Variants in CCDC60 observed in about 807,000 individuals in gnomAD.
CCDC60 encodes coiled-coil domain-containing protein 60.
A neutral mutation model predicts 63.5 loss-of-function variants in CCDC60; 54 were observed. The ratio of observed to expected loss-of-function variants is 0.85; its 90% CI spans 0.68 to 1.07. The LOEUF (loss-of-function observed/expected upper bound fraction) is 1.07. Ranked by LOEUF, CCDC60 falls within the 50% of genes least tolerant of loss-of-function variation. The probability of loss-of-function intolerance (pLI) is 0.00; values close to 1 mark genes in which losing one functional copy is unlikely to be tolerated. For synonymous variants in CCDC60, 206 were observed against 238.8 expected (o/e 0.86, Z 1.27); for missense variants, 651 against 684.3 (o/e 0.95, Z 0.54).
Position 119,500,280 on chromosome 12 carries a change from C to A in CCDC60, c.648+112C>A, listed in dbSNP as rs144893545. The A allele has an allele frequency of 9.7e-6, 7 of 723,058 alleles. No homozygotes were observed. In the African/African-American group the frequency reaches 1.3e-4, roughly 13 times the overall value. The allele number at this position is 723,058 out of a possible 1,614,324, so 44.8% of individuals were successfully genotyped here. A position where few individuals can be genotyped will look rare whatever the true frequency, so the allele number is the denominator to read the frequency against. On this transcript the variant is annotated intron_variant, in intron 6 of 13. Transcript: ENST00000327554. ...GAATTTTTTTTTCCTAGTTGGTTCT[C>A]GGAGTGAAGGGAAGTCAGAGCCACA...
intron 1 of CCDC60, among the ~76,000 whole-genome samples, chr12:119,362,598 G>A (rs1244840692): frequency 2.0e-5 from 3 of 152,054 alleles, no homozygotes; most frequent in Admixed American, 6.6e-5. Flanking sequence ...CGTATCAGTA[G>A]TTTATTATTT....
chr12:119,474,366 A>G (rs1217027846), intron 3 of CCDC60, among the ~76,000 whole-genome samples: 2 of 152,216 alleles, frequency 1.3e-5, no homozygotes, highest in African/African-American at 4.8e-5. Context: ...CCATTTCCCA[A>G]ATTCTGTTCT....
Position 119,523,793 on chromosome 12 carries a change from C to T in CCDC60, c.1204C>T (p.Gln402Ter). The T allele has an allele frequency of 6.2e-7, 1 of 1,614,138 alleles. No individual in the cohort carries two copies. The highest frequency in any genetic ancestry group is 8.5e-7 in the Non-Finnish European group (1 of 1,179,988). ...SVAQEAGFCLQDKMEILMKRQ... is the reference protein window; with the variant it reads ...SVAQEAGFCL ...AGCCCAGGAGGCTGGCTTCTGCCTG[C>T]AGGACAAGATGGAAATCCTCATGAA... The change falls in exon 11 of 14, where the codon CAG (glutamine) becomes TAG (stop). Residue 402 changes from glutamine to a stop codon, truncating the protein, a stop_gained. Transcript: ENST00000327554. LOFTEE classifies it high-confidence loss of function.
chr12:119,399,484 C>A (rs966151765), intron 1 of CCDC60, among the ~76,000 whole-genome samples: 1 of 152,202 alleles, frequency 6.6e-6, no homozygotes, highest in African/African-American at 2.4e-5. Context: ...TTGAGCCTGA[C>A]ATGCGGAGCC....
Position 119,500,177 on chromosome 12 carries a change from C to G in CCDC60, c.648+9C>G, listed in dbSNP as rs767780495. ...TCATCACAGCGCCAAAGGTAACCAACAACACGCGACTCAACCCTTTGGCTC... is the reference window on the plus strand; with the variant it reads ...TCATCACAGCGCCAAAGGTAACCAAGAACACGCGACTCAACCCTTTGGCTC... On this transcript the variant is annotated intron_variant, in intron 6 of 13. Coordinates refer to ENST00000327554, the MANE Select transcript of CCDC60 (RefSeq NM_178499.5). 1.3e-6 allele frequency: 2 copies of G among 1,581,000 alleles called. No individual in the cohort carries two copies. Among genetic ancestry groups the G allele is most frequent in the Non-Finnish European group, 1.7e-6 (2 of 1,152,378 alleles).
chr12:119,426,773 C>T (rs1014243604), intron 1 of CCDC60, among the ~76,000 whole-genome samples: 1 of 152,158 alleles, frequency 6.6e-6, no homozygotes, highest in Non-Finnish European at 1.5e-5. Flanking sequence ...TTGGCCAACC[C>T]AGGAGAAAAA....
chr12:119,513,714 G>A (rs1290888489), intron 7 of CCDC60, among the ~76,000 whole-genome samples: 1 of 152,102 alleles, frequency 6.6e-6, no homozygotes, highest in African/African-American at 2.4e-5. Context: ...AATTCCTATT[G>A]CCTAATATAT....
At chr12:119,528,451 T>A (rs552792369) in intron 11 of CCDC60, among the ~76,000 whole-genome samples, 164 bp from the exon 12 acceptor site, 56 of 152,296 alleles carry the variant, frequency 3.7e-4, no homozygotes, top group Middle Eastern at 3.4e-3. Flanking sequence ...GAGAGCTGTA[T>A]CCTCTTGTGG....
intron 5 of CCDC60, among the ~76,000 whole-genome samples, chr12:119,497,576 G>A (rs558158846): frequency 1.3e-5 from 2 of 152,138 alleles, no homozygotes; most frequent in Non-Finnish European, 2.9e-5. Context: ...CCATCTTCCC[G>A]ATTGGACCTG....
chr12:119,360,578 G>A (rs1955774949), intron 1 of CCDC60, among the ~76,000 whole-genome samples: 1 of 151,826 alleles, frequency 6.6e-6, no homozygotes, highest in African/African-American at 2.4e-5. Context: ...CAGACGGGGT[G>A]GCGGCCGGGC....
chr12:119,361,089 T>TA (rs1185266142), intron 1 of CCDC60, among the ~76,000 whole-genome samples: 1 of 150,600 alleles, frequency 6.6e-6, no homozygotes. Context: ...GGCAGCAGTA[T>TA]AGTCCAGCTT....
At chr12:119,426,351 A>ATT (rs200493410) in intron 1 of CCDC60, among the ~76,000 whole-genome samples, 1,365 of 83,518 alleles carry the variant, frequency 0.016, 23 homozygotes, top group African/African-American at 0.062. Flanking sequence ...ATTTTTATTT[A>ATT]TTTTTGTTTT....
intron 1 of CCDC60, among the ~76,000 whole-genome samples, chr12:119,397,361 G>A (rs1343698323): frequency 1.3e-5 from 2 of 152,132 alleles, no homozygotes; most frequent in East Asian, 3.9e-4. Context: ...TTTACAGAGA[G>A]CTGATTGGTC....
At chr12:119,437,728 A>C (rs1217243747) in intron 2 of CCDC60, among the ~76,000 whole-genome samples, 3 of 152,228 alleles carry the variant, frequency 2.0e-5, no homozygotes, top group Non-Finnish European at 4.4e-5. Flanking sequence ...TTAGAAGTTC[A>C]ACCCTGGTTC....
chr12:119,518,606 C>T (rs946080197), intron 8 of CCDC60, among the ~76,000 whole-genome samples: 1 of 152,132 alleles, frequency 6.6e-6, no homozygotes, highest in Non-Finnish European at 1.5e-5. Context: ...ATGGAAATAA[C>T]ATCTAGTTCA....
chr12:119,538,186 G>T (rs1002672609), intron 13 of CCDC60, among the ~76,000 whole-genome samples: 1 of 152,358 alleles, frequency 6.6e-6, no homozygotes, highest in Middle Eastern at 3.4e-3. Context: ...TGCTGCACTA[G>T]CAGTGAGCAA....
At chr12:119,350,743 A>G (rs1955647912) in intron 1 of CCDC60, among the ~76,000 whole-genome samples, 1 of 152,046 alleles carries the variant, frequency 6.6e-6, no homozygotes, top group African/African-American at 2.4e-5. Flanking sequence ...CATATTTTCT[A>G]CCAGCTGTGC....
At chr12:119,368,368 A>G (rs1955864760) in intron 1 of CCDC60, among the ~76,000 whole-genome samples, 1 of 152,124 alleles carries the variant, frequency 6.6e-6, no homozygotes, top group Admixed American at 6.5e-5. Flanking sequence ...TGTCTAATAA[A>G]TATTAGCTGA....
chr12:119,463,038 G>C lies in CCDC60; in HGVS notation c.171-8956G>C, dbSNP rs189414349. The stretch of plus-strand genomic sequence containing the variant: ...AGGGTTTCGCCATGTTGGCCAGGCT[G>C]GTCTCGAACTCCTGACCTCAAGTGA... On this transcript the variant is annotated intron_variant, in intron 2 of 13. Coordinates refer to ENST00000327554, the MANE Select transcript of CCDC60 (RefSeq NM_178499.5). Among the ~76,000 whole-genome samples the C allele has an allele frequency of 7.6e-4, 115 of 152,188 alleles. 1 individual carries two copies. In the East Asian group the frequency reaches 0.02, roughly 27 times the overall value.
Sources: gnomAD v4.1 joint callset for allele counts (sites outside exome capture counted in the v4.1 genomes callset) on GRCh38, gnomAD v4.1.1 for gene constraint, MANE v1.5 for transcripts, NCBI Gene and HGNC (gene_info 2026-07-23, HGNC 2026-07-21) for gene names.